Variants in CALN1 observed in about 807,000 individuals in gnomAD.
The protein encoded by CALN1 is calcium-binding protein 8.
Under a neutral mutation model 30.6 loss-of-function variants are expected in CALN1, and 17 were observed. That is an observed-to-expected ratio of 0.56 (90% CI 0.38 to 0.83). The LOEUF (loss-of-function observed/expected upper bound fraction) is 0.83. CALN1 is among the 40% of genes least tolerant of loss of function. The pLI is 0.00. For missense variants in CALN1, 291 were observed against 354.9 expected (o/e 0.82, Z 1.45); for synonymous variants, 156 against 131.4 (o/e 1.19, Z -1.28).
intron 4 of CALN1, among the ~76,000 whole-genome samples, chr7:72,058,937 A>C (rs1803463229): frequency 6.6e-6 from 1 of 152,190 alleles, no homozygotes; most frequent in African/African-American, 2.4e-5. Flanking sequence ...AAGTGTAATC[A>C]TTTTGACATG....
At chr7:72,399,296 G>A (rs1172775024) in intron 2 of CALN1, among the ~76,000 whole-genome samples, 2 of 116,742 alleles carry the variant, frequency 1.7e-5, no homozygotes, top group Non-Finnish European at 3.3e-5. Flanking sequence ...TTTTGAGATG[G>A]AGTCTCACTC....
intron 4 of CALN1, among the ~76,000 whole-genome samples, chr7:72,096,480 T>C (rs915626776): frequency 1.3e-4 from 18 of 137,444 alleles, no homozygotes; most frequent in African/African-American, 4.2e-4. Context: ...AATGGACAGA[T>C]TGCTGCACAA....
intron 4 of CALN1, among the ~76,000 whole-genome samples, chr7:72,058,405 C>T (rs759160041): frequency 6.8e-6 from 1 of 147,250 alleles, no homozygotes; most frequent in Non-Finnish European, 1.5e-5. Flanking sequence ...GCAACCTCCA[C>T]CTCCCGGGTT....
At chr7:71,940,452 A>G (rs1182313862) in intron 5 of CALN1, among the ~76,000 whole-genome samples, 3 of 152,136 alleles carry the variant, frequency 2.0e-5, no homozygotes, top group Admixed American at 6.5e-5. Context: ...TGAGAGTAAA[A>G]TGCTGTGGAA....
intron 3 of CALN1, among the ~76,000 whole-genome samples, chr7:72,214,964 G>T (rs892244204): frequency 6.6e-6 from 1 of 151,280 alleles, no homozygotes; most frequent in Non-Finnish European, 1.5e-5. Flanking sequence ...ACAAGCTCAG[G>T]GCTCCCACTG....
intron 1 of CALN1, among the ~76,000 whole-genome samples, chr7:72,429,010 T>A (rs934055074): frequency 6.6e-6 from 1 of 152,198 alleles, no homozygotes; most frequent in Non-Finnish European, 1.5e-5. Flanking sequence ...ACATTTCAGC[T>A]GCTGTCCGGC....
Position 72,213,611 on chromosome 7 carries a change from T to G in CALN1, c.244+65075A>C, listed in dbSNP as rs193233656. ...AGCTGTTGGGGGAAAAAAAGAAAAG[T>G]GTATGAGCTAATGTTTATTTGGGGA... is the stretch of plus-strand genomic sequence containing the variant. On this transcript the variant is annotated intron_variant, in intron 3 of 6. Transcript: ENST00000395275. Among the ~76,000 whole-genome samples, 192 of 152,098 alleles carry G rather than the reference T, an allele frequency of 1.3e-3. 1 individual carries two copies. The Middle Eastern group carries it at 0.017, about 13-fold the overall frequency.
chr7:72,349,781 G>C (rs1420393909), intron 2 of CALN1, among the ~76,000 whole-genome samples: 2 of 152,068 alleles, frequency 1.3e-5, no homozygotes, highest in Admixed American at 1.3e-4. Context: ...ACTTTGTTAT[G>C]GGGTTGTCTG....
At chr7:72,171,082 T>C (rs1278561069) in intron 3 of CALN1, among the ~76,000 whole-genome samples, 2 of 152,030 alleles carry the variant, frequency 1.3e-5, no homozygotes, top group African/African-American at 4.8e-5. Flanking sequence ...GCTTGAGCCC[T>C]TGAGAGTTCG....
At chr7:72,354,230 T>C (rs1470006408) in intron 2 of CALN1, among the ~76,000 whole-genome samples, 1 of 152,118 alleles carries the variant, frequency 6.6e-6, no homozygotes, top group African/African-American at 2.4e-5. Flanking sequence ...CATGAAATAT[T>C]ATGGATAAGC....
intron 2 of CALN1, chr7:72,336,648 A>G: frequency 2.1e-6 from 2 of 969,006 alleles, no homozygotes; most frequent in Non-Finnish European, 2.5e-6. Flanking sequence ...GGACCGAGGG[A>G]AGAAGAAAAG....
At chr7:71,966,407 CTGGATCATGGGGG>C in intron 5 of CALN1, among the ~76,000 whole-genome samples, 1 of 152,170 alleles carries the variant, frequency 6.6e-6, no homozygotes, top group African/African-American at 2.4e-5. Flanking sequence ...TGGGAGGTGG[CTGGATCATGGGGG>C]TGGATTTCTT....
intron 5 of CALN1, among the ~76,000 whole-genome samples, chr7:71,973,474 C>A (rs1175534146): frequency 1.3e-5 from 2 of 152,194 alleles, no homozygotes; most frequent in African/African-American, 4.8e-5. Context: ...CCTTGCCCAG[C>A]CTGAATTCTG....
intron 3 of CALN1, among the ~76,000 whole-genome samples, chr7:72,131,123 G>A (rs376145481): frequency 9.9e-5 from 15 of 152,238 alleles, no homozygotes; most frequent in African/African-American, 3.6e-4. Flanking sequence ...CTCGTGAAGG[G>A]GCAGAGTGGA....
At chr7:72,345,343 G>T (rs1173678382) in intron 2 of CALN1, among the ~76,000 whole-genome samples, 2 of 128,428 alleles carry the variant, frequency 1.6e-5, no homozygotes, top group African/African-American at 5.4e-5. Context: ...GAAGAAAGTG[G>T]AAGGAAAGAA....
At chr7:71,925,762 G>A (rs1795237077) in intron 5 of CALN1, among the ~76,000 whole-genome samples, 1 of 152,142 alleles carries the variant, frequency 6.6e-6, no homozygotes, top group South Asian at 2.1e-4. Flanking sequence ...AAAGTCAGCA[G>A]GATGTTGAGC....
intron 5 of CALN1, among the ~76,000 whole-genome samples, chr7:71,937,650 A>G (rs34732531): frequency 0.15 from 23,475 of 151,772 alleles, 2,229 homozygotes; most frequent in Non-Finnish European, 0.23. Context: ...AGCTAATTTT[A>G]AAATGTTTTT....
intron 2 of CALN1, among the ~76,000 whole-genome samples, chr7:72,339,150 C>A (rs1802268867): frequency 6.6e-6 from 1 of 152,176 alleles, no homozygotes; most frequent in Non-Finnish European, 1.5e-5. Flanking sequence ...ATCACTGGAT[C>A]TCATTCTTTT....
intron 3 of CALN1, among the ~76,000 whole-genome samples, chr7:72,171,966 T>C (rs1789004618): frequency 6.6e-6 from 1 of 152,132 alleles, no homozygotes; most frequent in South Asian, 2.1e-4. Context: ...AGCGATCAAG[T>C]AGCACAGCCA....
Sources: allele counts gnomAD v4.1 joint callset (sites outside exome capture counted in the v4.1 genomes callset), GRCh38; gene constraint gnomAD v4.1.1; transcripts MANE v1.5; gene names NCBI Gene and HGNC (gene_info 2026-07-23, HGNC 2026-07-21).